The following CPNE8 variants were observed in gnomAD, a reference collection of about 807,000 sequenced individuals.
The protein encoded by CPNE8 is copine-8.
In CPNE8, 45 loss-of-function variants were observed where a neutral mutation model predicts 81.5. That is an observed-to-expected ratio of 0.55 (90% CI 0.44 to 0.71). The LOEUF is 0.71. Ranked by LOEUF, CPNE8 falls within the 30% of genes least tolerant of loss-of-function variation. The pLI is 0.00. For missense variants in CPNE8, 594 were observed against 672.1 expected, an observed-to-expected ratio of 0.88 and a Z score of 1.28; for synonymous variants, 252 against 226.3, an observed-to-expected ratio of 1.11 and a Z score of -1.02.
chr12:38,795,175 G>C (rs1340266413), intron 6 of CPNE8, among the ~76,000 whole-genome samples: 1 of 152,152 alleles, frequency 6.6e-6, no homozygotes, highest in Non-Finnish European at 1.5e-5. Flanking sequence ...TAGCTTCCTT[G>C]CTCCTCAACC....
intron 15 of CPNE8, among the ~76,000 whole-genome samples, chr12:38,693,125 G>T (rs1158176509): frequency 2.0e-5 from 3 of 152,136 alleles, no homozygotes; most frequent in African/African-American, 7.2e-5. Context: ...ATGAACATGA[G>T]CAAAGAAGTT....
chr12:38,815,418 C>T (rs923281282), intron 6 of CPNE8, among the ~76,000 whole-genome samples: 8 of 152,062 alleles, frequency 5.3e-5, no homozygotes, highest in Non-Finnish European at 1.2e-4. Flanking sequence ...ACACTGTGCC[C>T]AAGAGCTTTT....
chr12:38,852,942 G>A lies in CPNE8; in HGVS notation c.187-4280C>T, dbSNP rs146502482. Among the ~76,000 whole-genome samples the A allele has an allele frequency of 3.6e-3, 550 of 152,164 alleles. 6 individuals carry two copies. Among genetic ancestry groups the A allele is most frequent in the African/African-American group, 0.013 (521 of 41,556 alleles). On this transcript the variant is annotated intron_variant, in intron 3 of 19. Transcript: ENST00000331366. ...TTAAAACTGTATTATGCATTTCTGG[G>A]TTTTCCCAATTTCTTGCAATGAGTA...
chr12:38,726,453 T>C (rs1412384787), intron 11 of CPNE8: 1 of 152,158 alleles, frequency 6.6e-6, no homozygotes, highest in African/African-American at 2.4e-5. Flanking sequence ...TGGGCGTCAC[T>C]GGCAAGATCA....
rs1356763880 is a variant in CPNE8 at position 38,799,967 on chromosome 12, ACCACGAGACTGTATC to A, written c.408-23681_408-23667del. Among the ~76,000 whole-genome samples the A allele has an allele frequency of 1.2e-4, 18 of 149,008 alleles. No individual in the cohort carries two copies. In the East Asian group the frequency reaches 3.6e-3, roughly 30 times the overall value. On this transcript the variant is annotated intron_variant, in intron 6 of 19. Transcript: ENST00000331366. ...TTCAGACCGGCTTAAGAAACGGCGCACCACGAGACTGTATCCCACACCTGGCTCAGAGGGTCCTAC... is the reference window on the plus strand; with the variant it reads ...TTCAGACCGGCTTAAGAAACGGCGCACCACACCTGGCTCAGAGGGTCCTAC...
At chr12:38,840,647 T>C (rs1943454231) in intron 4 of CPNE8, among the ~76,000 whole-genome samples, 1 of 152,194 alleles carries the variant, frequency 6.6e-6, no homozygotes. Context: ...TAAATGCTAT[T>C]GTTAAATTGG....
At chr12:38,810,759 CAAGTGGTCTATGTTTTTATCTAGTG>C (rs750408341) in intron 6 of CPNE8, among the ~76,000 whole-genome samples, 43 of 152,238 alleles carry the variant, frequency 2.8e-4, no homozygotes, top group Non-Finnish European at 5.4e-4. Context: ...ATCAAAGTGT[CAAGTGGTCTATGTTTTTATCTAGTG>C]GATCTGAGAG....
chr12:38,905,693 C>A, upstream of CPNE8: 13 of 1,456,120 alleles, frequency 8.9e-6, no homozygotes, highest in Non-Finnish European at 1.2e-5. Flanking sequence ...AGGAGGCGGA[C>A]CTCCGCGCAG....
intron 18 of CPNE8, among the ~76,000 whole-genome samples, chr12:38,673,947 G>GT (rs1222321718): frequency 6.6e-6 from 1 of 152,046 alleles, no homozygotes; most frequent in Non-Finnish European, 1.5e-5. Context: ...GAGGGAAAAA[G>GT]TAATGGGAAT....
intron 4 of CPNE8, among the ~76,000 whole-genome samples, chr12:38,843,654 T>C (rs1400281): frequency 0.87 from 132,659 of 152,064 alleles, 58,125 homozygotes; most frequent in Non-Finnish European, 0.92. Flanking sequence ...GCTTTCTGAG[T>C]GACGAAAAAC....
At chr12:38,654,310 G>A (rs917674380) in intron 19 of CPNE8, among the ~76,000 whole-genome samples, 3 of 151,976 alleles carry the variant, frequency 2.0e-5, no homozygotes, top group Non-Finnish European at 4.4e-5. Context: ...GAGGTCAGGA[G>A]TTCAAGACCA....
At chr12:38,695,796 G>C (rs1332523642) in intron 14 of CPNE8, among the ~76,000 whole-genome samples, 1 of 152,082 alleles carries the variant, frequency 6.6e-6, no homozygotes, top group Non-Finnish European at 1.5e-5. Flanking sequence ...AAAATCAGCT[G>C]GGTGTGGTGG....
chr12:38,801,745 G>A (rs1330554526), intron 6 of CPNE8, among the ~76,000 whole-genome samples: 1 of 83,002 alleles, frequency 1.2e-5, no homozygotes, highest in African/African-American at 4.7e-5. Flanking sequence ...CCATCAGTGT[G>A]CTGTATTCAG....
chr12:38,861,674 A>G (rs1305977954), intron 3 of CPNE8, among the ~76,000 whole-genome samples: 2 of 152,172 alleles, frequency 1.3e-5, no homozygotes, highest in Non-Finnish European at 2.9e-5. Context: ...ATGGAATAAT[A>G]TATTAAATAT....
At chr12:38,818,340 G>A (rs1409512636) in intron 6 of CPNE8, among the ~76,000 whole-genome samples, 1 of 152,050 alleles carries the variant, frequency 6.6e-6, no homozygotes, top group East Asian at 1.9e-4. Context: ...CTGTGTCCAC[G>A]TGTTCTCATT....
At chr12:38,746,038 A>G (rs977758853) in intron 10 of CPNE8, among the ~76,000 whole-genome samples, 2 of 152,184 alleles carry the variant, frequency 1.3e-5, no homozygotes, top group Non-Finnish European at 2.9e-5. Context: ...AGTTAAAACC[A>G]CTGCTTTAAG....
In CPNE8 at chr12:38,874,520, T is replaced by C; in HGVS notation, c.99-9A>G. On this transcript the variant is annotated splice_polypyrimidine_tract_variant and intron_variant, in intron 1 of 19. Transcript: ENST00000331366. ...CTCTGTCAAGAAGATTTCTGTTGAATAAAACAGAAAATGTTAGCTGGATAT... is the reference window on the plus strand; with the variant it reads ...CTCTGTCAAGAAGATTTCTGTTGAACAAAACAGAAAATGTTAGCTGGATAT... The C allele has an allele frequency of 1.3e-6, 2 of 1,599,498 alleles. No individual in the cohort carries two copies. The highest frequency in any genetic ancestry group is 1.7e-6 in the Non-Finnish European group (2 of 1,169,556).
At chr12:38,766,320 A>T (rs987812688) in intron 8 of CPNE8, among the ~76,000 whole-genome samples, 4 of 152,210 alleles carry the variant, frequency 2.6e-5, no homozygotes, top group African/African-American at 9.6e-5. Context: ...GTTCATAAGA[A>T]CATTTTCATT....
At chr12:38,724,722 T>C in intron 12 of CPNE8, 124 bp downstream of exon 12, 1 of 636,294 alleles carries the variant, frequency 1.6e-6, no homozygotes, top group Non-Finnish European at 2.6e-6. Context: ...TCCTTCATAT[T>C]AAAACCCTGA....
Sources: gnomAD v4.1 joint callset for allele counts (sites outside exome capture counted in the v4.1 genomes callset) on GRCh38, gnomAD v4.1.1 for gene constraint, MANE v1.5 for transcripts, NCBI Gene and HGNC (gene_info 2026-07-23, HGNC 2026-07-21) for gene names.